Variants in ADCY7 observed in about 807,000 individuals in gnomAD.
ADCY7 encodes adenylate cyclase type 7.
ADCY7 carries 72 observed loss-of-function variants against 120.6 expected under a neutral mutation model. The ratio of observed to expected loss-of-function variants is 0.60; its 90% CI spans 0.49 to 0.73. The LOEUF (loss-of-function observed/expected upper bound fraction) is 0.73, where lower values mean the gene tolerates loss of function less well. Ranked by LOEUF, ADCY7 falls within the 30% of genes least tolerant of loss-of-function variation. The probability of loss-of-function intolerance (pLI) is 0.00; values close to 1 mark genes in which losing one functional copy is unlikely to be tolerated. For synonymous variants in ADCY7, 661 were observed against 628.0 expected (o/e 1.05, Z -0.78); for missense variants, 1,227 against 1,486.0 (o/e 0.83, Z 2.87).
intron 1 of ADCY7, among the ~76,000 whole-genome samples, chr16:50,249,497 T>A (rs1452743044): frequency 6.6e-6 from 1 of 152,176 alleles, no homozygotes; most frequent in African/African-American, 2.4e-5. Flanking sequence ...CAGGCCCCTC[T>A]TAGACAGTTG....
chr16:50,314,697 T>C (rs1479999448), intron 24 of ADCY7: 1 of 456,516 alleles, frequency 2.2e-6, no homozygotes, highest in Non-Finnish European at 3.9e-6. Flanking sequence ...TAAACCTAAA[T>C]AGTTGCGGGC....
chr16:50,289,125 G>A, intron 2 of ADCY7: 1 of 282,938 alleles, frequency 3.5e-6, no homozygotes, highest in South Asian at 2.7e-5. Context: ...CTGTACCCAT[G>A]CAGACATCAT....
At chr16:50,305,916 C>A in intron 14 of ADCY7, 67 bp downstream of exon 14, 2 of 1,514,178 alleles carry the variant, frequency 1.3e-6, no homozygotes, top group Non-Finnish European at 1.8e-6. Flanking sequence ...GGGTGGGGGA[C>A]GCAGGTCATG....
At chr16:50,262,104 C>T (rs1318890780), upstream of ADCY7, among the ~76,000 whole-genome samples, 1 of 152,152 alleles carries the variant, frequency 6.6e-6, no homozygotes, top group Admixed American at 6.5e-5. Flanking sequence ...GACAGCTTGA[C>T]TGTCTGCTTC....
intron 7 of ADCY7, among the ~76,000 whole-genome samples, chr16:50,298,409 C>T (rs1042632725): frequency 3.3e-5 from 5 of 152,202 alleles, no homozygotes; most frequent in Admixed American, 3.3e-4. Flanking sequence ...GAGGTCTTCG[C>T]TGGCCTCCTG....
chr16:50,279,363 A>G (rs181835505), intron 1 of ADCY7, among the ~76,000 whole-genome samples: 669 of 152,326 alleles, frequency 4.4e-3, no homozygotes, highest in Non-Finnish European at 7.8e-3. Context: ...TCAAGGGAAA[A>G]GGGATCAGAA....
At chr16:50,286,348 G>C (rs1329054201) in intron 1 of ADCY7, among the ~76,000 whole-genome samples, 7 of 147,650 alleles carry the variant, frequency 4.7e-5, no homozygotes, top group Admixed American at 2.7e-4. Flanking sequence ...AGGATTGCCT[G>C]AGCCCTGGGA....
chr16:50,290,628 G>T lies in ADCY7; in HGVS notation c.343G>T (p.Ala115Ser). ...VALGYVLVFD[A>S]WTKAACAWEQ... ...GCTGGGCTATGTGCTGGTGTTCGACGCATGGACAAAGGCGGCCTGTGCGTG... is the reference window on the plus strand; with the variant it reads ...GCTGGGCTATGTGCTGGTGTTCGACTCATGGACAAAGGCGGCCTGTGCGTG... Residue 115 changes from alanine to serine, a missense_variant, in exon 3 of 26, where the codon GCA (alanine) becomes TCA (serine). Ala to Ser is a moderately conservative substitution (Grantham distance 99). Transcript: ENST00000673801. The T allele has an allele frequency of 6.2e-7, 1 of 1,614,016 alleles. No homozygotes were observed. Among genetic ancestry groups the T allele is most frequent in the Non-Finnish European group, 8.5e-7 (1 of 1,179,958 alleles).
chr16:50,291,005 G>A (rs2034916818), intron 3 of ADCY7, among the ~76,000 whole-genome samples: 1 of 152,190 alleles, frequency 6.6e-6, no homozygotes, highest in Non-Finnish European at 1.5e-5. Flanking sequence ...CCTCTGGACA[G>A]CTTCGGCCCC....
In ADCY7 at chr16:50,315,783, A is replaced by T. The variant is rs780310116; in HGVS notation, c.*278A>T. The T allele has an allele frequency of 8.4e-5, 31 of 369,530 alleles. No homozygotes were observed. The highest frequency in any genetic ancestry group is 1.5e-4 in the Non-Finnish European group (30 of 198,068). The allele number at this position is 369,530 out of a possible 1,614,324, so 22.9% of individuals were successfully genotyped here. A position where few individuals can be genotyped will look rare whatever the true frequency, so the allele number is the denominator to read the frequency against. ...GAGAATGTTCACTGGTTCGGGGCTG[A>T]CTTTGAGATCTTTGTTCCCTGAGGT... On this transcript the variant is annotated 3_prime_UTR_variant, in exon 26 of 26. Transcript: ENST00000673801.
In ADCY7 at chr16:50,307,735, C is replaced by T. The variant is rs192850545; in HGVS notation, c.1850+588C>T. 3.1e-4 allele frequency among the ~76,000 whole-genome samples: 47 copies of T among 152,290 alleles called. No individual in the cohort carries two copies. The East Asian group carries it at 7.9e-3, about 26-fold the overall frequency. On this transcript the variant is annotated intron_variant, in intron 15 of 25. Coordinates refer to ENST00000673801, the MANE Select transcript of ADCY7 (RefSeq NM_001114.5). ...TAGGGAGGCTGTGCGTGGTGACTCA[C>T]GCCTGTAATCCCAGCACTTTGGGAG... is the stretch of plus-strand genomic sequence containing the variant.
In ADCY7 at chr16:50,310,836, C is replaced by T. The variant is rs200556322; in HGVS notation, c.2310C>T (p.Cys770=). 46 of 1,613,012 alleles carry T rather than the reference C, an allele frequency of 2.9e-5. No individual in the cohort carries two copies. In the East Asian group the frequency reaches 3.3e-4, roughly 12 times the overall value. The change falls in exon 19 of 26, where the codon TGC becomes TGT. Residue 770 remains cysteine (C), a synonymous_variant. Coordinates refer to ENST00000673801, the MANE Select transcript of ADCY7 (RefSeq NM_001114.5). ...NLSPCWQWDC[C]GQGLGNLTKP... is the part of the protein sequence containing the mutation. Reference sequence around the variant, plus strand: ...CCCCATGCTGGCAGTGGGACTGCTGCGGCCAAGGCCTGGGCAACCTCACCA... The same window carrying T: ...CCCCATGCTGGCAGTGGGACTGCTGTGGCCAAGGCCTGGGCAACCTCACCA...
Position 50,301,097 on chromosome 16 carries a change from G to C in ADCY7, c.1251G>C (p.Thr417=), listed in dbSNP as rs200124253. The C allele has an allele frequency of 2.9e-4, 467 of 1,613,806 alleles. 2 individuals carry two copies. The highest frequency in any genetic ancestry group is 3.3e-4 in the Middle Eastern group (2 of 6,036). ...TCTCCCGTAGCCGGGTGCACATCAC[G>C]GAGGCCACGCTAAAGCACCTGGACA... ...AAGVPGRVHI[T]EATLKHLDKA... Residue 417 remains threonine (T), a synonymous_variant, in exon 10 of 26, where the codon ACG becomes ACC. Coordinates refer to ENST00000673801, the MANE Select transcript of ADCY7 (RefSeq NM_001114.5).
intron 18 of ADCY7, among the ~76,000 whole-genome samples, chr16:50,310,042 G>A (rs1297091771): frequency 4.6e-5 from 7 of 152,260 alleles, no homozygotes; most frequent in Admixed American, 4.6e-4. Flanking sequence ...TGATGGCAGA[G>A]GTCAAGGTCT....
At chr16:50,277,288 A>T (rs1327301259) in intron 1 of ADCY7, among the ~76,000 whole-genome samples, 1 of 152,212 alleles carries the variant, frequency 6.6e-6, no homozygotes, top group Non-Finnish European at 1.5e-5. Flanking sequence ...GTCATTTCAT[A>T]CTTGTGACAA....
Position 50,308,832 on chromosome 16 carries a change from G to A in ADCY7, c.2061+40G>A, listed in dbSNP as rs777944574. ...GGGGAGGCAGGCCTCCGGGGTAGAG[G>A]GAGACCTCCAGATTTGGGACGCCTA... On this transcript the variant is annotated intron_variant, in intron 17 of 25. Transcript: ENST00000673801. The A allele has an allele frequency of 2.6e-6, 4 of 1,568,486 alleles. No homozygotes were observed. In the African/African-American group the frequency reaches 4.1e-5, roughly 16 times the overall value.
chr16:50,290,498 G>A lies in ADCY7; in HGVS notation c.213G>A (p.Leu71=), dbSNP rs1279849810. The change falls in exon 3 of 26, where the codon CTG becomes CTA. Residue 71 remains leucine (L), a synonymous_variant. Transcript: ENST00000673801. ...AGGCCATTCTGGGCATGGCGTTCCTGGTGCTGGCGGTGTTTGCGGCCCTCT... is the reference window on the plus strand; with the variant it reads ...AGGCCATTCTGGGCATGGCGTTCCTAGTGCTGGCGGTGTTTGCGGCCCTCT... ...RHQAILGMAF[L]VLAVFAALSV... is the part of the protein sequence containing the mutation. The A allele has an allele frequency of 1.2e-6, 2 of 1,614,100 alleles. No homozygotes were observed. The highest frequency in any genetic ancestry group is 2.7e-5 in the African/African-American group (2 of 74,940).
intron 10 of ADCY7, among the ~76,000 whole-genome samples, chr16:50,301,504 T>A (rs1596952211): frequency 6.6e-6 from 1 of 152,246 alleles, no homozygotes; most frequent in East Asian, 1.9e-4. Flanking sequence ...GCATTCTATG[T>A]ATTCTCGTCA....
chr16:50,295,257 C>G (rs1295503973), intron 7 of ADCY7, among the ~76,000 whole-genome samples: 1 of 151,776 alleles, frequency 6.6e-6, no homozygotes, highest in Non-Finnish European at 1.5e-5. Context: ...CTGCTCACTG[C>G]AGCCTCGACC....
Sources: gnomAD v4.1 joint callset for allele counts (sites outside exome capture counted in the v4.1 genomes callset) on GRCh38, gnomAD v4.1.1 for gene constraint, MANE v1.5 for transcripts, NCBI Gene and HGNC (gene_info 2026-07-23, HGNC 2026-07-21) for gene names.